The following FRMD5 variants were observed in gnomAD, a reference collection of about 807,000 sequenced individuals.
FRMD5 encodes the protein FERM domain-containing protein 5.
In FRMD5, 20 loss-of-function variants were observed where a neutral mutation model predicts 69.0. The ratio of observed to expected loss-of-function variants is 0.29; its 90% CI spans 0.20 to 0.42. The LOEUF (loss-of-function observed/expected upper bound fraction) is 0.42, where lower values mean the gene tolerates loss of function less well. Ranked by LOEUF, FRMD5 falls within the 10% of genes least tolerant of loss-of-function variation. The probability of loss-of-function intolerance (pLI) is 1.00; values close to 1 mark genes in which losing one functional copy is unlikely to be tolerated. For synonymous variants in FRMD5, 271 were observed against 260.1 expected (o/e 1.04, Z -0.40); for missense variants, 595 against 708.6 (o/e 0.84, Z 1.82).
chr15:43,891,063 T>C (rs1390762870), intron 8 of FRMD5, among the ~76,000 whole-genome samples: 1 of 152,186 alleles, frequency 6.6e-6, no homozygotes, highest in Non-Finnish European at 1.5e-5. Flanking sequence ...AAGCCACTTA[T>C]CTAAGCCCCT....
intron 1 of FRMD5, among the ~76,000 whole-genome samples, chr15:44,054,601 T>C (rs935212387): frequency 1.3e-5 from 2 of 152,232 alleles, no homozygotes; most frequent in African/African-American, 4.8e-5. Flanking sequence ...AATAATTCTA[T>C]AGAATTATAG....
chr15:44,061,321 C>A (rs1345347648), intron 1 of FRMD5, among the ~76,000 whole-genome samples: 1 of 152,166 alleles, frequency 6.6e-6, no homozygotes, highest in Non-Finnish European at 1.5e-5. Context: ...AGTCTCAATG[C>A]ATTTGGGAGA....
At chr15:44,082,075 T>C (rs1029224276) in intron 1 of FRMD5, among the ~76,000 whole-genome samples, 2 of 152,062 alleles carry the variant, frequency 1.3e-5, no homozygotes, top group African/African-American at 4.8e-5. Context: ...CAAAAATAAA[T>C]TGAATTTTTT....
chr15:44,039,736 C>A (rs1892103153), intron 1 of FRMD5, among the ~76,000 whole-genome samples: 1 of 152,094 alleles, frequency 6.6e-6, no homozygotes, highest in South Asian at 2.1e-4. Flanking sequence ...TGCAAAAAGG[C>A]TGAAAATTCC....
intron 1 of FRMD5, among the ~76,000 whole-genome samples, chr15:44,144,885 T>C (rs1311831645): frequency 6.6e-6 from 1 of 152,160 alleles, no homozygotes; most frequent in Non-Finnish European, 1.5e-5. Flanking sequence ...GTCCTAAGTG[T>C]AGAAAGCTGG....
At chr15:43,876,727 T>C (rs767729394) in intron 13 of FRMD5, among the ~76,000 whole-genome samples, 1 of 152,206 alleles carries the variant, frequency 6.6e-6, no homozygotes, top group Admixed American at 6.5e-5. Flanking sequence ...GTAGAAACTC[T>C]CTCTGCTCTT....
intron 1 of FRMD5, among the ~76,000 whole-genome samples, chr15:43,969,044 AGTTT>A (rs1252504432): frequency 6.6e-6 from 1 of 151,812 alleles, no homozygotes; most frequent in Non-Finnish European, 1.5e-5. Flanking sequence ...GTAAGAAAAT[AGTTT>A]GTTACTGGCA....
At chr15:44,123,006 TG>T (rs1342830887) in intron 1 of FRMD5, among the ~76,000 whole-genome samples, 2 of 152,192 alleles carry the variant, frequency 1.3e-5, no homozygotes, top group African/African-American at 2.4e-5. Context: ...GAAAATAACA[TG>T]GCAAGAATCA....
chr15:43,923,173 C>T (rs755895797), intron 2 of FRMD5, among the ~76,000 whole-genome samples: 2 of 152,230 alleles, frequency 1.3e-5, no homozygotes, highest in African/African-American at 2.4e-5. Context: ...CATTAACTCA[C>T]TCATGCATTC....
chr15:44,140,005 CAT>C (rs146673012), intron 1 of FRMD5, among the ~76,000 whole-genome samples: 4,289 of 151,898 alleles, frequency 0.028, 166 homozygotes, highest in African/African-American at 0.088. Flanking sequence ...TATACATATA[CAT>C]ATATACACAT....
At chr15:44,064,352 A>T (rs1893220200) in intron 1 of FRMD5, 1 of 154,234 alleles carries the variant, frequency 6.5e-6, no homozygotes, top group Admixed American at 6.5e-5. Context: ...GCACTTTGGG[A>T]AGACGAGGTG....
chr15:43,943,072 T>C (rs1042772144), intron 1 of FRMD5, among the ~76,000 whole-genome samples: 2 of 152,108 alleles, frequency 1.3e-5, no homozygotes, highest in African/African-American at 4.8e-5. Flanking sequence ...AGAAACCCTG[T>C]CTCTACCAAA....
rs757339035 is a variant in FRMD5 at position 43,872,189 on chromosome 15, T to A, written c.*1696A>T. On this transcript the variant is annotated 3_prime_UTR_variant, in exon 14 of 14. Coordinates refer to ENST00000417257, the MANE Select transcript of FRMD5 (RefSeq NM_032892.5). ...TAAGTTGATTGACCTCTGGTCCAGATGAAAGGATGTCTTTAAAATTATGCA... is the reference window on the plus strand; with the variant it reads ...TAAGTTGATTGACCTCTGGTCCAGAAGAAAGGATGTCTTTAAAATTATGCA... 2.6e-5 allele frequency: 4 copies of A among 152,194 alleles called. No homozygotes were observed. The highest frequency in any genetic ancestry group is 5.9e-5 in the Non-Finnish European group (4 of 68,040). 9.4% of individuals were successfully genotyped at this position (152,194 alleles called of 1,614,324 possible).
intron 1 of FRMD5, among the ~76,000 whole-genome samples, chr15:43,968,914 C>CTA (rs1566869300): frequency 6.6e-6 from 1 of 151,872 alleles, no homozygotes. Flanking sequence ...CACAAAAATC[C>CTA]TATGTTGTTA....
intron 6 of FRMD5, among the ~76,000 whole-genome samples, chr15:43,902,548 A>G (rs1218147658): frequency 6.6e-6 from 1 of 151,908 alleles, no homozygotes. Context: ...TGAGATTCCC[A>G]TCACTGAGAA....
chr15:44,054,947 G>A (rs1892811516), intron 1 of FRMD5, among the ~76,000 whole-genome samples: 1 of 151,910 alleles, frequency 6.6e-6, no homozygotes, highest in African/African-American at 2.4e-5. Context: ...GCATGCGCCT[G>A]TAATCCCAGC....
chr15:44,142,462 A>G (rs1305112829), intron 1 of FRMD5, among the ~76,000 whole-genome samples: 1 of 152,222 alleles, frequency 6.6e-6, no homozygotes, highest in African/African-American at 2.4e-5. Context: ...AATTTTAAGT[A>G]AATTCTGAAA....
intron 12 of FRMD5, 151 bp from the exon 13 acceptor site, chr15:43,883,960 T>C: frequency 1.6e-6 from 1 of 632,822 alleles, no homozygotes; most frequent in Non-Finnish European, 2.9e-6. Context: ...CTCTTTGCCT[T>C]TGGTCTCTGG....
chr15:43,872,876 G>A lies in FRMD5; in HGVS notation c.*1009C>T, dbSNP rs1483334907. The A allele has an allele frequency of 6.1e-6, 2 of 327,756 alleles. No individual in the cohort carries two copies. Among genetic ancestry groups the A allele is most frequent in the African/African-American group, 2.1e-5 (1 of 47,072 alleles). The allele number at this position is 327,756 out of a possible 1,614,324, so 20.3% of individuals were successfully genotyped here. ...ATTGTTAAGAAAATAACATTTCGTTGTTAAAATATAAATTGAAATAGTCTT... is the reference window on the plus strand; with the variant it reads ...ATTGTTAAGAAAATAACATTTCGTTATTAAAATATAAATTGAAATAGTCTT... On this transcript the variant is annotated 3_prime_UTR_variant, in exon 14 of 14. Coordinates refer to ENST00000417257, the MANE Select transcript of FRMD5 (RefSeq NM_032892.5).
Sources: allele counts gnomAD v4.1 joint callset (sites outside exome capture counted in the v4.1 genomes callset), GRCh38; gene constraint gnomAD v4.1.1; transcripts MANE v1.5; gene names NCBI Gene and HGNC (gene_info 2026-07-23, HGNC 2026-07-21).